Variants in ARFGEF3 observed in about 807,000 individuals in gnomAD.
The protein encoded by ARFGEF3 is brefeldin A-inhibited guanine nucleotide-exchange protein 3.
Under a neutral mutation model 221.7 loss-of-function variants are expected in ARFGEF3, and 96 were observed. The ratio of observed to expected loss-of-function variants is 0.43; its 90% CI spans 0.37 to 0.51. The LOEUF is 0.51. Ranked by LOEUF, ARFGEF3 falls within the 20% of genes least tolerant of loss-of-function variation. The pLI is 0.00. For missense variants in ARFGEF3, 2,410 were observed against 2,789.9 expected (o/e 0.86, Z 3.07); for synonymous variants, 1,145 against 1,126.8 (o/e 1.02, Z -0.32).
intron 10 of ARFGEF3, among the ~76,000 whole-genome samples, chr6:138,258,139 T>G (rs1008262944): frequency 2.0e-5 from 3 of 152,192 alleles, no homozygotes; most frequent in East Asian, 3.9e-4. Flanking sequence ...TGTGCCCAGC[T>G]TCCAGAGCCT....
chr6:138,231,320 A>G (rs1778187509), intron 5 of ARFGEF3, among the ~76,000 whole-genome samples: 1 of 152,176 alleles, frequency 6.6e-6, no homozygotes, highest in African/African-American at 2.4e-5. Flanking sequence ...AGGAAAAACA[A>G]CAACAACAGA....
At chr6:138,203,312 A>T (rs976474894) in intron 2 of ARFGEF3, among the ~76,000 whole-genome samples, 4 of 152,244 alleles carry the variant, frequency 2.6e-5, no homozygotes, top group Admixed American at 2.6e-4. Context: ...ACACATTTTA[A>T]CTGTGTGGCC....
Position 138,337,342 on chromosome 6 carries a change from G to A in ARFGEF3, c.*856G>A, listed in dbSNP as rs949869280. 3 of 152,638 alleles carry A rather than the reference G, an allele frequency of 2.0e-5. No homozygotes were observed. The highest frequency in any genetic ancestry group is 4.8e-5 in the African/African-American group (2 of 41,446). The allele number at this position is 152,638 out of a possible 1,614,324, so 9.5% of individuals were successfully genotyped here. A position where few individuals can be genotyped will look rare whatever the true frequency, so the allele number is the denominator to read the frequency against. The stretch of plus-strand genomic sequence containing the variant: ...AGGAAAGGAAAGGAAAGAAGAAAAG[G>A]TGCCTTAGTCCTTTGTTGCACTTCC... On this transcript the variant is annotated 3_prime_UTR_variant, in exon 34 of 34. Transcript: ENST00000251691.
At chr6:138,311,547 A>G in intron 25 of ARFGEF3, 37 bp downstream of exon 25, 1 of 1,439,242 alleles carries the variant, frequency 6.9e-7, no homozygotes, top group Non-Finnish European at 9.6e-7. Context: ...CGGCCTGGAA[A>G]CCTGCCTCGG....
intron 2 of ARFGEF3, among the ~76,000 whole-genome samples, chr6:138,178,553 C>T (rs755267844): frequency 6.6e-6 from 1 of 152,160 alleles, no homozygotes; most frequent in Non-Finnish European, 1.5e-5. Flanking sequence ...ATAATCCTGT[C>T]GTGAAGCTCA....
Position 138,255,668 on chromosome 6 carries a change from T to G in ARFGEF3, c.1003T>G (p.Ser335Ala), listed in dbSNP as rs1583034317. ...IAAELVRLVG[S>A]VDSMKPVLQS... ...AGCCGAGCTGGTCCGGCTGGTGGGG[T>G]CTGTGGACTCCATGAAGCCCGTGCT... The change falls in exon 10 of 34, where the codon TCT becomes GCT. Residue 335 changes from serine to alanine, a missense_variant. Ser to Ala is a moderately conservative substitution (Grantham distance 99). Around this residue, in one of 5 missense-constraint regions of ARFGEF3, gnomAD observed 570 missense variants for 586.9 expected, o/e 0.97. Transcript: ENST00000251691. 3.1e-6 allele frequency: 5 copies of G among 1,612,728 alleles called. No individual in the cohort carries two copies. Among genetic ancestry groups the G allele is most frequent in the Non-Finnish European group, 4.2e-6 (5 of 1,179,574 alleles).
chr6:138,262,924 T>G lies in ARFGEF3; in HGVS notation c.1441T>G (p.Trp481Gly). 2 of 1,608,276 alleles carry G rather than the reference T, an allele frequency of 1.2e-6. No individual in the cohort carries two copies. The highest frequency in any genetic ancestry group is 1.7e-6 in the Non-Finnish European group (2 of 1,177,160). The change falls in exon 12 of 34, where the codon TGG (tryptophan) becomes GGG (glycine). Residue 481 changes from tryptophan to glycine, a missense_variant. By Grantham distance (184) the Trp-to-Gly change is radical. This residue lies in a region of ARFGEF3 where 594 missense variants were observed against 734.3 expected (regional missense o/e 0.81). Transcript: ENST00000251691. ...SMEINEADFR[W>G]QRRVLSSEHT... ...GGAGATCAATGAGGCTGACTTCCGC[T>G]GGCAGCGGCGAGTGCTGTCCTCAGA...
intron 8 of ARFGEF3, among the ~76,000 whole-genome samples, chr6:138,250,524 C>T (rs1778560621): frequency 6.6e-6 from 1 of 152,224 alleles, no homozygotes; most frequent in Admixed American, 6.5e-5. Flanking sequence ...TCACTCCTTA[C>T]ACACTTAATT....
chr6:138,205,630 A>C lies in ARFGEF3; in HGVS notation c.138-1412A>C, dbSNP rs567675988. Among the ~76,000 whole-genome samples, 5 of 152,360 alleles carry C rather than the reference A, an allele frequency of 3.3e-5. 1 individual carries two copies. The East Asian group carries it at 7.7e-4, about 23-fold the overall frequency. ...TTGTAATTGTGACAAGCCGACAGTAAGATAACAGTGACAAAGTTACAGCCA... is the reference window on the plus strand; with the variant it reads ...TTGTAATTGTGACAAGCCGACAGTACGATAACAGTGACAAAGTTACAGCCA... On this transcript the variant is annotated intron_variant, in intron 2 of 33. Coordinates refer to ENST00000251691, the MANE Select transcript of ARFGEF3 (RefSeq NM_020340.5).
At chr6:138,270,372 A>G (rs1398568866) in intron 12 of ARFGEF3, among the ~76,000 whole-genome samples, 1 of 151,800 alleles carries the variant, frequency 6.6e-6, no homozygotes, top group Non-Finnish European at 1.5e-5. Flanking sequence ...ACCAATTTTC[A>G]GGAGTTTATA....
At chr6:138,215,747 G>A (rs753895054) in intron 4 of ARFGEF3, among the ~76,000 whole-genome samples, 4 of 151,964 alleles carry the variant, frequency 2.6e-5, no homozygotes, top group Middle Eastern at 3.2e-3. Context: ...GTGTCTTCCC[G>A]TGATAATGAT....
chr6:138,327,880 C>G (rs961349202), intron 31 of ARFGEF3, 141 bp from the exon 32 acceptor site: 2 of 640,410 alleles, frequency 3.1e-6, no homozygotes, highest in African/African-American at 1.8e-5. Context: ...AATTAACTCT[C>G]TCAACAAACA....
Position 138,191,307 on chromosome 6 carries a change from A to G in ARFGEF3, c.138-15735A>G, listed in dbSNP as rs112696406. ...GATAACATGGAAATAATTACATATCACATAGCGTGTTAATGATCAAATTAA... is the reference window on the plus strand; with the variant it reads ...GATAACATGGAAATAATTACATATCGCATAGCGTGTTAATGATCAAATTAA... On this transcript the variant is annotated intron_variant, in intron 2 of 33. Transcript: ENST00000251691. Among the ~76,000 whole-genome samples, 755 of 152,282 alleles carry G rather than the reference A, an allele frequency of 5.0e-3. 10 individuals are homozygous for G. The highest frequency in any genetic ancestry group is 0.017 in the African/African-American group (697 of 41,552).
intron 32 of ARFGEF3, among the ~76,000 whole-genome samples, chr6:138,333,188 T>C (rs1248909658): frequency 6.6e-6 from 1 of 152,150 alleles, no homozygotes; most frequent in Admixed American, 6.5e-5. Flanking sequence ...TTGGCAAACA[T>C]AGTACAGGTT....
chr6:138,303,392 C>T (rs1779660630), intron 22 of ARFGEF3, among the ~76,000 whole-genome samples: 1 of 151,984 alleles, frequency 6.6e-6, no homozygotes, highest in Non-Finnish European at 1.5e-5. Flanking sequence ...TAAATAGAAC[C>T]ATGTCAATAA....
intron 11 of ARFGEF3, 34 bp downstream of exon 11, chr6:138,261,673 G>T: frequency 2.3e-6 from 3 of 1,310,614 alleles, no homozygotes; most frequent in Non-Finnish European, 3.1e-6. Flanking sequence ...CTTTATTGAG[G>T]CTGCTTTTCT....
In ARFGEF3 at chr6:138,307,132, GT is replaced by G. The variant is rs989527444; in HGVS notation, c.3829-116del. 3.0e-6 allele frequency: 3 copies of G among 1,000,782 alleles called. No homozygotes were observed. In the African/African-American group the frequency reaches 4.8e-5, roughly 16 times the overall value. 62.0% of individuals were successfully genotyped at this position (1,000,782 alleles called of 1,614,324 possible). On this transcript the variant is annotated intron_variant, in intron 22 of 33. Transcript: ENST00000251691. ...TTTTTGAGTGAGTTTGTCTATTCTG[GT>G]TTTTCCTTTTCACTAAAATTAACTC...
At chr6:138,328,264 T>C (rs1780161593) in intron 32 of ARFGEF3, 122 bp downstream of exon 32, 8 of 1,203,160 alleles carry the variant, frequency 6.6e-6, no homozygotes, top group East Asian at 2.6e-5. Flanking sequence ...TGGAGTCATT[T>C]AGCAAAGGTT....
intron 3 of ARFGEF3, among the ~76,000 whole-genome samples, chr6:138,207,631 T>G (rs527595791): frequency 6.6e-6 from 1 of 152,352 alleles, no homozygotes; most frequent in African/African-American, 2.4e-5. Context: ...AAGCCAGATT[T>G]GCTTGAATAC....
Sources: allele counts gnomAD v4.1 joint callset (sites outside exome capture counted in the v4.1 genomes callset), GRCh38; gene constraint gnomAD v4.1.1; regional missense constraint gnomAD v4.1.1; transcripts MANE v1.5; gene names NCBI Gene and HGNC (gene_info 2026-07-23, HGNC 2026-07-21).